RNF227: variants seen among roughly 807,000 people sequenced by gnomAD.
RNF227 encodes ring finger protein 227, also known as long intergenic non-protein coding RNA 2581.
A neutral mutation model predicts 4.9 loss-of-function variants in RNF227; 8 were observed. That is an observed-to-expected ratio of 1.65 (90% CI 0.97 to 2.98). RNF227 has a LOEUF of 2.98. Among genes scored for constraint, RNF227 ranks in the 30% most tolerant of loss-of-function variants. The pLI is 0.00. For synonymous variants in RNF227, 63 were observed against 28.1 expected (o/e 2.25, Z -3.94); for missense variants, 136 against 65.4 (o/e 2.08, Z -3.72).
At position 7,915,550 on chromosome 17, in the gene RNF227, A is replaced by G. The variant is rs1441023631; in HGVS notation, c.545T>C (p.Ile182Thr). 4.3e-6 allele frequency: 3 copies of G among 703,112 alleles called. No homozygotes were observed. Among genetic ancestry groups the G allele is most frequent in the Non-Finnish European group, 7.8e-6 (3 of 385,026 alleles). The allele number at this position is 703,112 out of a possible 1,614,324, so 43.6% of individuals were successfully genotyped here. A position where few individuals can be genotyped will look rare whatever the true frequency, so the allele number is the denominator to read the frequency against. The change falls in exon 2 of 2, where the codon ATT becomes ACT. Residue 182 changes from isoleucine (I) to threonine (T), a missense_variant. Physicochemically the swap from Ile to Thr is moderately conservative, Grantham distance 89. Coordinates refer to ENST00000324348, the MANE Select transcript of RNF227 (RefSeq NM_001358699.2). ...CAACGTGCAACGGGTCAGGTGGCCAATGTCCTTGATCTCCGCACAGTAGAG... is the reference window on the plus strand; with the variant it reads ...CAACGTGCAACGGGTCAGGTGGCCAGTGTCCTTGATCTCCGCACAGTAGAG... The part of the protein sequence containing the change: ...NVLYCAEIKD[I>T]GHLTRCTL
Position 7,915,080 on chromosome 17 carries a change from G to C in RNF227, c.*442C>G, listed in dbSNP as rs1971948660. ...CATACCAGCACCCTTACATGCCAGA[G>C]AAGTGAGATTAACATGACGCGAAAA... On this transcript the variant is annotated 3_prime_UTR_variant, in exon 2 of 2. Coordinates refer to ENST00000324348, the MANE Select transcript of RNF227 (RefSeq NM_001358699.2). 3.1e-6 allele frequency: 1 copy of C among 321,564 alleles called. No individual in the cohort carries two copies. The highest frequency in any genetic ancestry group is 6.1e-6 in the Non-Finnish European group (1 of 165,268). The allele number at this position is 321,564 out of a possible 1,614,324, so 19.9% of individuals were successfully genotyped here.
rs1971932769 is a variant in RNF227, at chr17:7,914,316, G to A, written c.*1206C>T. On this transcript the variant is annotated 3_prime_UTR_variant, in exon 2 of 2. Coordinates refer to ENST00000324348, the MANE Select transcript of RNF227 (RefSeq NM_001358699.2). ...TCCCAGCACTTTGGGAGGCCAAGGT[G>A]GGCGCCATCACCTGAGGTCAGGAGT... 6.6e-6 allele frequency: 1 copy of A among 151,996 alleles called. No individual in the cohort carries two copies. The highest frequency in any genetic ancestry group is 2.1e-4 in the South Asian group (1 of 4,816). 9.4% of individuals were successfully genotyped at this position (151,996 alleles called of 1,614,324 possible).
Position 7,915,561 on chromosome 17 carries a change from C to T in RNF227, c.534G>A (p.Glu178=). ...PLPSNVLYCA[E]IKDIGHLTRC... is the part of the protein sequence containing the mutation. The stretch of plus-strand genomic sequence containing the variant: ...GGGTCAGGTGGCCAATGTCCTTGAT[C>T]TCCGCACAGTAGAGCACTGGGGGAA... Residue 178 remains glutamate (E), a synonymous_variant, in exon 2 of 2, where the codon GAG becomes GAA. Coordinates refer to ENST00000324348, the MANE Select transcript of RNF227 (RefSeq NM_001358699.2). The T allele has an allele frequency of 1.4e-6, 1 of 703,140 alleles. No individual in the cohort carries two copies. The highest frequency in any genetic ancestry group is 2.6e-6 in the Non-Finnish European group (1 of 385,034). The allele number at this position is 703,140 out of a possible 1,614,324, so 43.6% of individuals were successfully genotyped here.
In RNF227 at chr17:7,915,789, T is replaced by G. The variant is rs746356660; in HGVS notation, c.407A>C (p.Glu136Ala). ...DADGEAEEEG[E>A]SEKGAGPRSA... ...CCTAGGCCCCGCCCCCTTCTCGCTC[T>G]CCCCTTCTTCCTCCGCCTCTCCGTC... Residue 136 changes from glutamate (E) to alanine (A), a missense_variant, in exon 1 of 2, where the codon GAG becomes GCG. Transcript: ENST00000324348. 5 of 702,518 alleles carry G rather than the reference T, an allele frequency of 7.1e-6. No individual in the cohort carries two copies. The South Asian group carries it at 7.4e-5, about 10-fold the overall frequency. The allele number at this position is 702,518 out of a possible 1,614,324, so 43.5% of individuals were successfully genotyped here.
In RNF227 at chr17:7,915,737, C is replaced by A; in HGVS notation, c.459G>T (p.Arg153=). The change falls in exon 1 of 2, where the codon CGG becomes CGT. Residue 153 remains arginine (R), a synonymous_variant. Transcript: ENST00000324348. ...CAGGCCCCAGGACCCTGTCCCAGAG[C>A]CGCCGGAGCGCGCGCCACCCAGCAC... The part of the protein sequence containing the change: ...PRSAGWRALR[R]LWDRVLGPAR... 2 of 702,668 alleles carry A rather than the reference C, an allele frequency of 2.8e-6. No individual in the cohort carries two copies. Among genetic ancestry groups the A allele is most frequent in the Non-Finnish European group, 2.6e-6 (1 of 384,744 alleles). The allele number at this position is 702,668 out of a possible 1,614,324, so 43.5% of individuals were successfully genotyped here. A position where few individuals can be genotyped will look rare whatever the true frequency, so the allele number is the denominator to read the frequency against.
rs371044271 is a variant in RNF227 at position 7,914,177 on chromosome 17, T to G, written c.*1345A>C. 3 of 152,038 alleles carry G rather than the reference T, an allele frequency of 2.0e-5. No individual in the cohort carries two copies. Among genetic ancestry groups the G allele is most frequent in the African/African-American group, 7.2e-5 (3 of 41,394 alleles). 9.4% of individuals were successfully genotyped at this position (152,038 alleles called of 1,614,324 possible). On this transcript the variant is annotated 3_prime_UTR_variant, in exon 2 of 2. Coordinates refer to ENST00000324348, the MANE Select transcript of RNF227 (RefSeq NM_001358699.2). The stretch of plus-strand genomic sequence containing the variant: ...AATATTCTACCTACAGATGGTGATA[T>G]CCTAAAGAGTGTAGGATCTAGACCA...
In RNF227 at chr17:7,915,794, T is replaced by C. The variant is rs1263706392; in HGVS notation, c.402A>G (p.Glu134=). The C allele has an allele frequency of 2.8e-6, 2 of 702,540 alleles. No individual in the cohort carries two copies. Among genetic ancestry groups the C allele is most frequent in the East Asian group, 5.4e-5 (2 of 37,274 alleles). The allele number at this position is 702,540 out of a possible 1,614,324, so 43.5% of individuals were successfully genotyped here. A position where few individuals can be genotyped will look rare whatever the true frequency, so the allele number is the denominator to read the frequency against. ...GCCCCGCCCCCTTCTCGCTCTCCCC[T>C]TCTTCCTCCGCCTCTCCGTCAGCGT... ...SSDADGEAEE[E]GESEKGAGPR... The change falls in exon 1 of 2, where the codon GAA becomes GAG. Residue 134 remains glutamate, a synonymous_variant. Transcript: ENST00000324348.
chr17:7,915,650 C>T, intron 1 of RNF227, 29 bp downstream of exon 1: 1 of 702,512 alleles, frequency 1.4e-6, no homozygotes, highest in Non-Finnish European at 2.6e-6. Context: ...GCGCTCTCTC[C>T]CCTGCATCCT....
In RNF227 at chr17:7,915,124, T is replaced by G; in HGVS notation, c.*398A>C. The stretch of plus-strand genomic sequence containing the variant: ...GCGAAAATTAGCCTCTTCTCTCCCG[T>G]TCCATCTTAAAAAAAAAAAAAATTC... On this transcript the variant is annotated 3_prime_UTR_variant, in exon 2 of 2. Transcript: ENST00000324348. 1 of 346,118 alleles carries G rather than the reference T, an allele frequency of 2.9e-6. No individual in the cohort carries two copies. The highest frequency in any genetic ancestry group is 5.6e-6 in the Non-Finnish European group (1 of 178,438). The allele number at this position is 346,118 out of a possible 1,614,324, so 21.4% of individuals were successfully genotyped here. A position where few individuals can be genotyped will look rare whatever the true frequency, so the allele number is the denominator to read the frequency against.
chr17:7,915,601 T>A, intron 1 of RNF227, 24 bp from the exon 2 acceptor site: 1 of 703,060 alleles, frequency 1.4e-6, no homozygotes, highest in Non-Finnish European at 2.6e-6. Context: ...GAAGGGTTAG[T>A]GGCAGCAGGA....
chr17:7,915,987 C>T lies in RNF227; in HGVS notation c.209G>A (p.Arg70His). The change falls in exon 1 of 2, where the codon CGC becomes CAC. Residue 70 changes from arginine to histidine, a missense_variant. Transcript: ENST00000324348. Reference protein sequence around the residue: ...DGGGAAARVVRLRRVVTCPFC... With the variant: ...DGGGAAARVVHLRRVVTCPFC... ...GGGGCACGTGACCACGCGGCGCAGGCGCACCACGCGCGCGGCCGCCCCGCC... is the reference window on the plus strand; with the variant it reads ...GGGGCACGTGACCACGCGGCGCAGGTGCACCACGCGCGCGGCCGCCCCGCC... 2.5e-6 allele frequency: 1 copy of T among 395,874 alleles called. No individual in the cohort carries two copies. Among genetic ancestry groups the T allele is most frequent in the Non-Finnish European group, 4.4e-6 (1 of 225,620 alleles). The allele number at this position is 395,874 out of a possible 1,614,324, so 24.5% of individuals were successfully genotyped here.
In RNF227 at chr17:7,914,184, G is replaced by A. The variant is rs1048922714; in HGVS notation, c.*1338C>T. 2 of 151,918 alleles carry A rather than the reference G, an allele frequency of 1.3e-5. No homozygotes were observed. Among genetic ancestry groups the A allele is most frequent in the Non-Finnish European group, 2.9e-5 (2 of 67,996 alleles). The allele number at this position is 151,918 out of a possible 1,614,324, so 9.4% of individuals were successfully genotyped here. A position where few individuals can be genotyped will look rare whatever the true frequency, so the allele number is the denominator to read the frequency against. ...TACCTACAGATGGTGATATCCTAAAGAGTGTAGGATCTAGACCAATGGTAC... is the reference window on the plus strand; with the variant it reads ...TACCTACAGATGGTGATATCCTAAAAAGTGTAGGATCTAGACCAATGGTAC... On this transcript the variant is annotated 3_prime_UTR_variant, in exon 2 of 2. Transcript: ENST00000324348.
Position 7,915,087 on chromosome 17 carries a change from G to T in RNF227, c.*435C>A. Reference sequence around the variant, plus strand: ...GCACCCTTACATGCCAGAGAAGTGAGATTAACATGACGCGAAAATTAGCCT... The same window carrying T: ...GCACCCTTACATGCCAGAGAAGTGATATTAACATGACGCGAAAATTAGCCT... On this transcript the variant is annotated 3_prime_UTR_variant, in exon 2 of 2. Transcript: ENST00000324348. 1 of 327,284 alleles carries T rather than the reference G, an allele frequency of 3.1e-6. No homozygotes were observed. The highest frequency in any genetic ancestry group is 5.9e-6 in the Non-Finnish European group (1 of 168,166). 20.3% of individuals were successfully genotyped at this position (327,284 alleles called of 1,614,324 possible).
rs1414268786 is a variant in RNF227 at position 7,915,950 on chromosome 17, C to A, written c.246G>T (p.Ala82=). The change falls in exon 1 of 2, where the codon GCG becomes GCT. Residue 82 remains alanine, a synonymous_variant. Coordinates refer to ENST00000324348, the MANE Select transcript of RNF227 (RefSeq NM_001358699.2). ...GGCCGCCGCGAGGGAGCTGCGAGGG[C>A]GCGCGGCAGAAGGGGCACGTGACCA... ...RRVVTCPFCR[A]PSQLPRGGLT... is the part of the protein sequence containing the mutation. 3.0e-6 allele frequency: 2 copies of A among 671,788 alleles called. No homozygotes were observed. Among genetic ancestry groups the A allele is most frequent in the Non-Finnish European group, 5.5e-6 (2 of 364,316 alleles). The allele number at this position is 671,788 out of a possible 1,614,324, so 41.6% of individuals were successfully genotyped here. A position where few individuals can be genotyped will look rare whatever the true frequency, so the allele number is the denominator to read the frequency against.
Position 7,916,062 on chromosome 17 carries a change from T to C in RNF227, c.134A>G (p.His45Arg). ...LPGTARARCGHTICTACLREL... is the reference protein window; with the variant it reads ...LPGTARARCGRTICTACLREL... Reference sequence around the variant, plus strand: ...GCGGAGGCAGGCGGTGCAGATCGTGTGGCCGCAGCGGGCGCGCGCCGTTCC... The same window carrying C: ...GCGGAGGCAGGCGGTGCAGATCGTGCGGCCGCAGCGGGCGCGCGCCGTTCC... The change falls in exon 1 of 2, where the codon CAC becomes CGC. Residue 45 changes from histidine (H) to arginine (R), a missense_variant. Transcript: ENST00000324348. The C allele has an allele frequency of 2.7e-6, 1 of 374,522 alleles. No individual in the cohort carries two copies. Among genetic ancestry groups the C allele is most frequent in the Admixed American group, 4.6e-5 (1 of 21,710 alleles). The allele number at this position is 374,522 out of a possible 1,614,324, so 23.2% of individuals were successfully genotyped here.
chr17:7,916,305 T>G (rs1338394469), upstream of RNF227: 2 of 340,826 alleles, frequency 5.9e-6, no homozygotes, highest in Non-Finnish European at 1.1e-5. Flanking sequence ...CGCGGCCTCT[T>G]TCCCCTTTAA....
Position 7,915,974 on chromosome 17 carries a change from C to A in RNF227, c.222G>T (p.Val74=). 1.9e-6 allele frequency: 1 copy of A among 513,042 alleles called. No individual in the cohort carries two copies. The highest frequency in any genetic ancestry group is 2.6e-5 in the South Asian group (1 of 39,040). 31.8% of individuals were successfully genotyped at this position (513,042 alleles called of 1,614,324 possible). Residue 74 remains valine (V), a synonymous_variant, in exon 1 of 2, where the codon GTG becomes GTT. Coordinates refer to ENST00000324348, the MANE Select transcript of RNF227 (RefSeq NM_001358699.2). Reference sequence around the variant, plus strand: ...GCGCGCGGCAGAAGGGGCACGTGACCACGCGGCGCAGGCGCACCACGCGCG... The same window carrying A: ...GCGCGCGGCAGAAGGGGCACGTGACAACGCGGCGCAGGCGCACCACGCGCG... The part of the protein sequence containing the change: ...AAARVVRLRR[V]VTCPFCRAPS...
rs1005714059 is a variant in RNF227, at chr17:7,913,878, T to A, written c.*1644A>T. Reference sequence around the variant, plus strand: ...AGGCCGAGGCAGGCGGATCATGAGGTCAGGAGATCGAGACCATCCTGGCTA... The same window carrying A: ...AGGCCGAGGCAGGCGGATCATGAGGACAGGAGATCGAGACCATCCTGGCTA... On this transcript the variant is annotated 3_prime_UTR_variant, in exon 2 of 2. Coordinates refer to ENST00000324348, the MANE Select transcript of RNF227 (RefSeq NM_001358699.2). 2 of 149,982 alleles carry A rather than the reference T, an allele frequency of 1.3e-5. No homozygotes were observed. Among genetic ancestry groups the A allele is most frequent in the Non-Finnish European group, 3.0e-5 (2 of 67,390 alleles). 9.3% of individuals were successfully genotyped at this position (149,982 alleles called of 1,614,324 possible). A position where few individuals can be genotyped will look rare whatever the true frequency, so the allele number is the denominator to read the frequency against.
In RNF227 at chr17:7,915,711, G is replaced by A. The variant is rs1037262145; in HGVS notation, c.485C>T (p.Ala162Val). The change falls in exon 1 of 2, where the codon GCG becomes GTG. Residue 162 changes from alanine (A) to valine (V), a missense_variant. Ala to Val is a moderately conservative substitution (Grantham distance 64, BLOSUM62 0). Transcript: ENST00000324348. ...RRLWDRVLGP[A>V]RRWRRPLPSN... The stretch of plus-strand genomic sequence containing the variant: ...AGGCAGCGGACGCCGCCAGCGCCGC[G>A]CAGGCCCCAGGACCCTGTCCCAGAG... 4.6e-5 allele frequency: 32 copies of A among 701,702 alleles called. No homozygotes were observed. The Admixed American group carries it at 4.6e-4, about 10-fold the overall frequency. The allele number at this position is 701,702 out of a possible 1,614,324, so 43.5% of individuals were successfully genotyped here.
Sources: gnomAD v4.1 joint callset for allele counts on GRCh38, gnomAD v4.1.1 for gene constraint, MANE v1.5 for transcripts, NCBI Gene and HGNC (gene_info 2026-07-23, HGNC 2026-07-21) for gene names.